The following PCDH15 variants were observed in gnomAD, a reference collection of about 807,000 sequenced individuals.
PCDH15 encodes the protein protocadherin-15.
A neutral mutation model predicts 178.5 loss-of-function variants in PCDH15; 129 were observed. That is an observed-to-expected ratio of 0.72 (90% confidence interval 0.63 to 0.84). The LOEUF (loss-of-function observed/expected upper bound fraction) is 0.84. PCDH15 is among the 40% of genes least tolerant of loss of function. The pLI is 0.00. For missense variants in PCDH15, 2,230 were observed against 2,099.9 expected (o/e 1.06, Z -1.21); for synonymous variants, 800 against 732.0 (o/e 1.09, Z -1.50).
intron 20 of PCDH15, among the ~76,000 whole-genome samples, chr10:54,001,266 A>G (rs1201852718): frequency 6.6e-6 from 1 of 152,212 alleles, no homozygotes. Context: ...TGGTAATAGT[A>G]TGTACACAGG....
chr10:54,822,171 A>G (rs1364135569), intron 3 of PCDH15, among the ~76,000 whole-genome samples: 1 of 152,154 alleles, frequency 6.6e-6, no homozygotes, highest in African/African-American at 2.4e-5. Flanking sequence ...TAACATCTCA[A>G]ATCTTCTCTG....
At chr10:55,187,734 ACAT>A (rs1343231375) in intron 1 of PCDH15, among the ~76,000 whole-genome samples, 1 of 151,970 alleles carries the variant, frequency 6.6e-6, no homozygotes, top group Non-Finnish European at 1.5e-5. Flanking sequence ...TCATTAATAA[ACAT>A]CAACAACAAA....
intron 8 of PCDH15, among the ~76,000 whole-genome samples, chr10:54,247,908 C>T (rs2056127296): frequency 1.4e-5 from 2 of 144,796 alleles, no homozygotes; most frequent in African/African-American, 5.1e-5. Context: ...ATCTACATTG[C>T]ATGATTGATG....
intron 2 of PCDH15, among the ~76,000 whole-genome samples, chr10:54,927,688 A>C (rs189386968): frequency 2.0e-5 from 3 of 152,260 alleles, no homozygotes; most frequent in Non-Finnish European, 4.4e-5. Flanking sequence ...CCATTAAGTA[A>C]TGCCCTTTTT....
At chr10:54,595,628 A>T (rs904120804) in intron 2 of PCDH15, among the ~76,000 whole-genome samples, 1 of 152,182 alleles carries the variant, frequency 6.6e-6, no homozygotes, top group African/African-American at 2.4e-5. Context: ...AATAGCATTC[A>T]GATTATGGAT....
intron 2 of PCDH15, among the ~76,000 whole-genome samples, chr10:55,158,031 C>T (rs10825480): frequency 0.39 from 56,721 of 144,924 alleles, 11,523 homozygotes; most frequent in African/African-American, 0.52. Context: ...TCTATAGTTC[C>T]AAAACAATTT....
intron 8 of PCDH15, among the ~76,000 whole-genome samples, chr10:54,279,491 A>T (rs143459044): frequency 6.6e-6 from 1 of 151,662 alleles, no homozygotes; most frequent in Non-Finnish European, 1.5e-5. Context: ...TCCGCAGTAG[A>T]GAAGGGAATG....
intron 1 of PCDH15, among the ~76,000 whole-genome samples, chr10:55,246,283 C>G (rs1841675676): frequency 6.6e-6 from 1 of 152,106 alleles, no homozygotes; most frequent in South Asian, 2.1e-4. Context: ...TTTCACAGCA[C>G]TCTGAATGAT....
At chr10:54,962,843 A>T (rs1481848238) in intron 2 of PCDH15, among the ~76,000 whole-genome samples, 2 of 152,206 alleles carry the variant, frequency 1.3e-5, no homozygotes, top group Non-Finnish European at 2.9e-5. Context: ...AGTGGGTGGA[A>T]TGAGCCCAGA....
Position 53,882,017 on chromosome 10 carries a change from T to A in PCDH15, c.3502-15160A>T, listed in dbSNP as rs187299062. 2.3e-3 allele frequency among the ~76,000 whole-genome samples: 353 copies of A among 151,212 alleles called. 1 individual carries two copies. The highest frequency in any genetic ancestry group is 5.6e-3 in the African/African-American group (232 of 41,104). On this transcript the variant is annotated intron_variant, in intron 26 of 37. Transcript: ENST00000644397. The stretch of plus-strand genomic sequence containing the variant: ...TTTTTTTTTTTTTTTTAACATGGAG[T>A]TTGTTTCTGTTGCCCAGGCTAGAGT...
chr10:54,266,793 T>C (rs1229915725), intron 8 of PCDH15, among the ~76,000 whole-genome samples: 4 of 151,632 alleles, frequency 2.6e-5, no homozygotes, highest in East Asian at 1.9e-4. Context: ...AGTTACAGAA[T>C]TGAATAAGTA....
chr10:55,181,127 G>GA (rs1270052599), intron 1 of PCDH15, among the ~76,000 whole-genome samples: 1 of 151,836 alleles, frequency 6.6e-6, no homozygotes, highest in African/African-American at 2.4e-5. Flanking sequence ...AAGTCTGAGG[G>GA]AAAAATCATT....
chr10:55,590,634 T>C (rs1158226989), intron 2 of PCDH15, among the ~76,000 whole-genome samples: 1 of 152,174 alleles, frequency 6.6e-6, no homozygotes, highest in African/African-American at 2.4e-5. Flanking sequence ...TATTTGTCTG[T>C]AGTTTTTGCT....
intron 3 of PCDH15, among the ~76,000 whole-genome samples, chr10:54,826,128 C>T (rs750962880): frequency 1.3e-5 from 2 of 151,842 alleles, no homozygotes; most frequent in Non-Finnish European, 2.9e-5. Flanking sequence ...TGTTTAATAT[C>T]TTTATGCCTT....
At chr10:54,096,588 G>A (rs1249805772) in intron 15 of PCDH15, among the ~76,000 whole-genome samples, 2 of 152,126 alleles carry the variant, frequency 1.3e-5, no homozygotes, top group Non-Finnish European at 2.9e-5. Context: ...CATGGCACTA[G>A]CAGATCCCAT....
chr10:54,515,362 G>A (rs190520576), intron 3 of PCDH15, among the ~76,000 whole-genome samples: 1 of 152,214 alleles, frequency 6.6e-6, no homozygotes, highest in Admixed American at 6.5e-5. Context: ...TATGCCCATG[G>A]AGTCTCGCTG....
At chr10:55,068,335 A>G (rs1307082439) in intron 2 of PCDH15, among the ~76,000 whole-genome samples, 1 of 152,092 alleles carries the variant, frequency 6.6e-6, no homozygotes, top group African/African-American at 2.4e-5. Context: ...CCAGCTTTCC[A>G]AGATAAATTC....
At chr10:54,753,188 A>AT (rs556937756) in intron 1 of PCDH15, among the ~76,000 whole-genome samples, 457 of 148,410 alleles carry the variant, frequency 3.1e-3, no homozygotes, top group Middle Eastern at 0.011. Context: ...TAGAGACGTG[A>AT]TTTTTTTTTT....
At chr10:54,200,978 G>GT (rs554044064) in intron 10 of PCDH15, among the ~76,000 whole-genome samples, 1 of 152,000 alleles carries the variant, frequency 6.6e-6, no homozygotes, top group South Asian at 2.1e-4. Flanking sequence ...GTAACACTGC[G>GT]TAAGTATCTA....
Sources: allele counts gnomAD v4.1 joint callset (sites outside exome capture counted in the v4.1 genomes callset), GRCh38; gene constraint gnomAD v4.1.1; transcripts MANE v1.5; gene names NCBI Gene and HGNC (gene_info 2026-07-23, HGNC 2026-07-21).